Variants in SIPA1L2 observed in about 807,000 individuals in gnomAD.
The protein encoded by SIPA1L2 is signal-induced proliferation-associated 1-like protein 2.
A neutral mutation model predicts 163.9 loss-of-function variants in SIPA1L2; 56 were observed. That is an observed-to-expected ratio of 0.34 (90% CI 0.28 to 0.43). The LOEUF is 0.43. Among genes scored for constraint, SIPA1L2 ranks in the 20% least tolerant of loss-of-function variants. SIPA1L2 has a pLI of 1.00. For synonymous variants in SIPA1L2, 877 were observed against 865.7 expected (o/e 1.01, Z -0.23); for missense variants, 1,974 against 2,193.5 (o/e 0.90, Z 2.00).
chr1:232,478,470 T>A (rs1448591432), intron 7 of SIPA1L2, among the ~76,000 whole-genome samples: 1 of 152,192 alleles, frequency 6.6e-6, no homozygotes, highest in Non-Finnish European at 1.5e-5. Context: ...GCTGGTTTCC[T>A]CTTTGGGAAA....
rs1209708446 is a variant in SIPA1L2, at chr1:232,501,050, A to T, written c.1484-7390T>A. On this transcript the variant is annotated intron_variant, in intron 3 of 22. Transcript: ENST00000674635. ...TGTTAGCACTTTTTAGCAATGAAGT[A>T]TTTTTTTTTTTTTTTTTTTTTTTGT... Among the ~76,000 whole-genome samples the T allele has an allele frequency of 4.4e-3, 344 of 78,372 alleles. 1 individual carries two copies. The highest frequency in any genetic ancestry group is 9.0e-3 in the East Asian group (19 of 2,108). The allele number at this position is 78,372 out of a possible 152,430, so 51.4% of individuals were successfully genotyped here. A position where few individuals can be genotyped will look rare whatever the true frequency, so the allele number is the denominator to read the frequency against.
intron 1 of SIPA1L2, among the ~76,000 whole-genome samples, chr1:232,615,152 G>A (rs531214285): frequency 6.6e-5 from 10 of 152,296 alleles, no homozygotes; most frequent in African/African-American, 2.4e-4. Flanking sequence ...CAAAACTCAA[G>A]AGCCCAAGAA....
intron 1 of SIPA1L2, among the ~76,000 whole-genome samples, chr1:232,615,875 C>T (rs990677527): frequency 6.6e-6 from 1 of 152,196 alleles, no homozygotes; most frequent in African/African-American, 2.4e-5. Flanking sequence ...TTACTCACCA[C>T]CATAACCTGA....
intron 1 of SIPA1L2, among the ~76,000 whole-genome samples, chr1:232,603,003 A>G (rs1294231973): frequency 6.6e-6 from 1 of 152,338 alleles, no homozygotes. Context: ...TGTCCTAAGT[A>G]AGGCAGGAGC....
chr1:232,504,683 C>T (rs1251197834), intron 3 of SIPA1L2, among the ~76,000 whole-genome samples: 1 of 152,056 alleles, frequency 6.6e-6, no homozygotes, highest in Non-Finnish European at 1.5e-5. Context: ...TCTTTTGACC[C>T]AAATTTAACC....
intron 15 of SIPA1L2, among the ~76,000 whole-genome samples, chr1:232,438,104 T>C (rs1309951632): frequency 6.6e-6 from 1 of 152,124 alleles, no homozygotes; most frequent in Non-Finnish European, 1.5e-5. Context: ...CAGTATCCCC[T>C]GGCAGTGGTG....
chr1:232,516,185 A>G (rs754775460), intron 2 of SIPA1L2, among the ~76,000 whole-genome samples: 2 of 152,238 alleles, frequency 1.3e-5, no homozygotes, highest in Non-Finnish European at 2.9e-5. Context: ...GACATTAACA[A>G]GAGAGTTTTC....
At chr1:232,404,904 AG>A (rs1660552949) in intron 19 of SIPA1L2, among the ~76,000 whole-genome samples, 1 of 152,118 alleles carries the variant, frequency 6.6e-6, no homozygotes, top group South Asian at 2.1e-4. Flanking sequence ...TAGGAATCTG[AG>A]GTATACAGCA....
chr1:232,555,691 A>G (rs1378010649), intron 2 of SIPA1L2, among the ~76,000 whole-genome samples: 2 of 152,232 alleles, frequency 1.3e-5, no homozygotes, highest in Non-Finnish European at 2.9e-5. Flanking sequence ...CAGATTCAAA[A>G]AAGATCCACG....
intron 14 of SIPA1L2, 24 bp downstream of exon 14, chr1:232,441,267 A>G (rs988632631): frequency 1.5e-5 from 24 of 1,563,880 alleles, no homozygotes; most frequent in Non-Finnish European, 2.0e-5. Context: ...AGGCCAGTGA[A>G]GGGCTTATGA....
rs745344467 is a variant in SIPA1L2 at position 232,514,748 on chromosome 1, T to C, written c.592A>G (p.Ile198Val). 1.9e-6 allele frequency: 3 copies of C among 1,614,222 alleles called. No homozygotes were observed. The highest frequency in any genetic ancestry group is 1.7e-5 in the Admixed American group (1 of 60,032). Residue 198 changes from isoleucine to valine, a missense_variant, in exon 3 of 23, where the codon ATC becomes GTC. Transcript: ENST00000674635. ...TCACCAGATAAGCCTTGCCTGTCGA[T>C]GGATGAAGTACTTCCATACTCCCTG... is the stretch of plus-strand genomic sequence containing the variant. ...LHREYGSTSS[I>V]DRQGLSGENF...
chr1:232,549,882 G>T (rs930555566), intron 2 of SIPA1L2, among the ~76,000 whole-genome samples: 1 of 152,214 alleles, frequency 6.6e-6, no homozygotes, highest in Non-Finnish European at 1.5e-5. Flanking sequence ...CAGGGAAAAA[G>T]AATGGTGCTC....
At chr1:232,399,521 T>C (rs1660205699) in intron 22 of SIPA1L2, among the ~76,000 whole-genome samples, 1 of 151,982 alleles carries the variant, frequency 6.6e-6, no homozygotes, top group Non-Finnish European at 1.5e-5. Flanking sequence ...TAAGATAGCC[T>C]TTATATAGGA....
At chr1:232,415,657 T>C (rs1263958431) in intron 18 of SIPA1L2, 32 bp from the exon 19 acceptor site, 3 of 1,613,108 alleles carry the variant, frequency 1.9e-6, no homozygotes, top group Non-Finnish European at 8.5e-7. Context: ...GAGTCAGTCA[T>C]CAGTCACAGC....
intron 2 of SIPA1L2, among the ~76,000 whole-genome samples, chr1:232,551,331 G>A (rs1252414557): frequency 6.6e-6 from 1 of 152,138 alleles, no homozygotes; most frequent in East Asian, 1.9e-4. Context: ...AAAAGGGGTA[G>A]ACCTGAAATA....
At chr1:232,587,159 A>G (rs548076870) in intron 1 of SIPA1L2, among the ~76,000 whole-genome samples, 137 of 152,352 alleles carry the variant, frequency 9.0e-4, no homozygotes, top group African/African-American at 3.1e-3. Context: ...GAATTTATGC[A>G]GCCATTACAC....
In SIPA1L2 at chr1:232,475,669, T is replaced by G. The variant is rs552075011; in HGVS notation, c.2085+3958A>C. Among the ~76,000 whole-genome samples, 3 of 152,354 alleles carry G rather than the reference T, an allele frequency of 2.0e-5. No homozygotes were observed. In the East Asian group the frequency reaches 5.8e-4, roughly 29 times the overall value. On this transcript the variant is annotated intron_variant, in intron 7 of 22. Coordinates refer to ENST00000674635, the MANE Select transcript of SIPA1L2 (RefSeq NM_020808.5). ...ATGGGCAAGAACAGGATATTACATTTAATTAATGTTTGAAGGATTTCTCAC... is the reference window on the plus strand; with the variant it reads ...ATGGGCAAGAACAGGATATTACATTGAATTAATGTTTGAAGGATTTCTCAC...
rs529093114 is a variant in SIPA1L2, at chr1:232,622,652, C to T, written c.-319+7217G>A. On this transcript the variant is annotated intron_variant, in intron 1 of 22. Transcript: ENST00000674635. ...GTGCCCAGGCTCCCAGGAACCACAC[C>T]CCTCTGAATGGGGCTATAAAGTTCT... 2.2e-4 allele frequency among the ~76,000 whole-genome samples: 33 copies of T among 152,314 alleles called. No individual in the cohort carries two copies. In the South Asian group the frequency reaches 6.8e-3, roughly 32 times the overall value.
At chr1:232,430,145 C>T (rs888917634) in intron 16 of SIPA1L2, among the ~76,000 whole-genome samples, 6 of 151,982 alleles carry the variant, frequency 3.9e-5, no homozygotes, top group East Asian at 3.9e-4. Flanking sequence ...ACCTCCAGTC[C>T]GGGGGTGTGT....
Sources: gnomAD v4.1 joint callset for allele counts (sites outside exome capture counted in the v4.1 genomes callset) on GRCh38, gnomAD v4.1.1 for gene constraint, MANE v1.5 for transcripts, NCBI Gene and HGNC (gene_info 2026-07-23, HGNC 2026-07-21) for gene names.